The following CLNK variants were observed in gnomAD, a reference collection of about 807,000 sequenced individuals.
CLNK encodes cytokine dependent hematopoietic cell linker, also known as cytokine-dependent hematopoietic cell linker.
A neutral mutation model predicts 68.6 loss-of-function variants in CLNK; 74 were observed. The observed-to-expected ratio is 1.08, with a 90% CI of 0.89 to 1.31. CLNK has a LOEUF of 1.31. Ranked by LOEUF, CLNK falls within the 50% of genes most tolerant of loss-of-function variation. CLNK has a pLI of 0.00. For synonymous variants in CLNK, 198 were observed against 172.2 expected, an observed-to-expected ratio of 1.15 and a Z score of -1.17; for missense variants, 553 against 515.3, an observed-to-expected ratio of 1.07 and a Z score of -0.71.
intron 2 of CLNK, among the ~76,000 whole-genome samples, chr4:10,650,113 A>T (rs1723668715): frequency 6.6e-6 from 1 of 152,182 alleles, no homozygotes; most frequent in African/African-American, 2.4e-5. Flanking sequence ...TTTGTGAAAA[A>T]AATTATATTA....
intron 1 of CLNK, among the ~76,000 whole-genome samples, chr4:10,668,484 C>G (rs762038823): frequency 6.6e-6 from 1 of 152,142 alleles, no homozygotes; most frequent in Non-Finnish European, 1.5e-5. Flanking sequence ...ATAATCTACT[C>G]AAAGGCCCTG....
chr4:10,488,603 C>T lies in CLNK; in HGVS notation c.*1864G>A, dbSNP rs959927029. ...TTCTATGTAATCCTCTGCAGGCATACTCTACGATAGGCTCAGCTGGGTCTC... is the reference window on the plus strand; with the variant it reads ...TTCTATGTAATCCTCTGCAGGCATATTCTACGATAGGCTCAGCTGGGTCTC... On this transcript the variant is annotated 3_prime_UTR_variant, in exon 19 of 19. Coordinates refer to ENST00000226951, the MANE Select transcript of CLNK (RefSeq NM_052964.4). The T allele has an allele frequency of 4.3e-4, 65 of 152,236 alleles. No homozygotes were observed. Among genetic ancestry groups the T allele is most frequent in the African/African-American group, 1.3e-3 (54 of 41,460 alleles). 9.4% of individuals were successfully genotyped at this position (152,236 alleles called of 1,614,324 possible). A position where few individuals can be genotyped will look rare whatever the true frequency, so the allele number is the denominator to read the frequency against.
intron 8 of CLNK, among the ~76,000 whole-genome samples, chr4:10,553,418 C>T (rs1287398899): frequency 1.3e-5 from 2 of 152,050 alleles, no homozygotes; most frequent in Non-Finnish European, 2.9e-5. Flanking sequence ...CTCAAGGTTA[C>T]TGCATCCAGA....
intron 2 of CLNK, among the ~76,000 whole-genome samples, chr4:10,655,103 A>C (rs1373549484): frequency 3.3e-4 from 30 of 91,324 alleles, no homozygotes; most frequent in Non-Finnish European, 6.3e-4. Flanking sequence ...ACCGACTCGA[A>C]AAAAAAAAAA....
intron 2 of CLNK, among the ~76,000 whole-genome samples, chr4:10,659,323 G>T (rs970707030): frequency 5.9e-5 from 9 of 152,344 alleles, no homozygotes; most frequent in African/African-American, 2.2e-4. Flanking sequence ...CAGACACGGT[G>T]CTACACACAC....
the CLNK span, among the ~76,000 whole-genome samples, chr4:10,726,831 A>C: frequency 6.6e-6 from 1 of 152,204 alleles, no homozygotes. Context: ...CGTGGGTATG[A>C]CAATGCCTGC....
At chr4:10,712,303 T>C in the CLNK span, among the ~76,000 whole-genome samples, 1 of 152,036 alleles carries the variant, frequency 6.6e-6, no homozygotes, top group African/African-American at 2.4e-5. Context: ...GTGGAGTATA[T>C]GGATCAGGGG....
intron 7 of CLNK, 132 bp from the exon 8 acceptor site, chr4:10,558,584 T>C (rs1305842385): frequency 1.0e-5 from 8 of 781,360 alleles, no homozygotes; most frequent in Middle Eastern, 2.3e-4. Context: ...TTTCAATGTA[T>C]GGTTGGCTGT....
At chr4:10,569,108 T>C (rs1420056686) in intron 5 of CLNK, among the ~76,000 whole-genome samples, 1 of 151,620 alleles carries the variant, frequency 6.6e-6, no homozygotes, top group Admixed American at 6.6e-5. Flanking sequence ...AGAATTTAGG[T>C]AAAATGTATA....
the CLNK span, among the ~76,000 whole-genome samples, chr4:10,690,234 G>A: frequency 6.6e-6 from 1 of 152,264 alleles, no homozygotes; most frequent in East Asian, 1.9e-4. Flanking sequence ...GCAAGGCCCT[G>A]CTTCCTGGCC....
chr4:10,576,004 G>A (rs993632363), intron 4 of CLNK, among the ~76,000 whole-genome samples: 1 of 152,158 alleles, frequency 6.6e-6, no homozygotes, highest in Non-Finnish European at 1.5e-5. Context: ...CCCAGGCAGT[G>A]GCAAGACGTC....
At chr4:10,637,040 C>T (rs946530868) in intron 2 of CLNK, among the ~76,000 whole-genome samples, 9 of 152,148 alleles carry the variant, frequency 5.9e-5, no homozygotes, top group East Asian at 1.9e-4. Context: ...CAGGGCCTCC[C>T]GAGTGCCCAT....
chr4:10,593,537 C>T (rs1188534704), intron 3 of CLNK, among the ~76,000 whole-genome samples: 1 of 152,074 alleles, frequency 6.6e-6, no homozygotes, highest in Non-Finnish European at 1.5e-5. Flanking sequence ...AGCTGTAATC[C>T]CAGCTACTCA....
At chr4:10,595,537 G>T (rs1721351845) in intron 3 of CLNK, among the ~76,000 whole-genome samples, 1 of 152,136 alleles carries the variant, frequency 6.6e-6, no homozygotes. Context: ...TCATCCAAGT[G>T]GGGCCCAGCA....
intron 14 of CLNK, among the ~76,000 whole-genome samples, chr4:10,522,435 G>A (rs1362163735): frequency 1.1e-4 from 17 of 150,256 alleles, no homozygotes; most frequent in African/African-American, 3.2e-4. Flanking sequence ...TCAGCTGGGC[G>A]TGGTGGCATC....
chr4:10,724,078 G>A, the CLNK span, among the ~76,000 whole-genome samples: 1 of 152,138 alleles, frequency 6.6e-6, no homozygotes, highest in Admixed American at 6.5e-5. Context: ...GGGGTTGGGG[G>A]ATGCTCTCAG....
intron 17 of CLNK, among the ~76,000 whole-genome samples, chr4:10,507,592 T>C (rs1361164642): frequency 6.6e-6 from 1 of 152,028 alleles, no homozygotes; most frequent in Non-Finnish European, 1.5e-5. Flanking sequence ...GCCTCCTGAG[T>C]AGCTTGGATT....
intron 16 of CLNK, among the ~76,000 whole-genome samples, chr4:10,509,446 C>A (rs1717469981): frequency 6.6e-6 from 1 of 152,132 alleles, no homozygotes; most frequent in Admixed American, 6.5e-5. Context: ...GCCCTACTGC[C>A]TGGAATCCCT....
chr4:10,640,149 T>C (rs976280068), intron 2 of CLNK, among the ~76,000 whole-genome samples: 4 of 151,986 alleles, frequency 2.6e-5, no homozygotes, highest in Non-Finnish European at 4.4e-5. Flanking sequence ...AGGAGGACAA[T>C]GGACTAACAT....
Sources: allele counts gnomAD v4.1 joint callset (sites outside exome capture counted in the v4.1 genomes callset), GRCh38; gene constraint gnomAD v4.1.1; transcripts MANE v1.5; gene names NCBI Gene and HGNC (gene_info 2026-07-23, HGNC 2026-07-21).